FHL5: variants seen among roughly 807,000 people sequenced by gnomAD.
FHL5 encodes the protein four and a half LIM domains 5, also known as four and a half LIM domains protein 5.
FHL5 carries 33 observed loss-of-function variants against 32.0 expected under a neutral mutation model. That is an observed-to-expected ratio of 1.03 (90% CI 0.78 to 1.38). The LOEUF is 1.38. Among genes scored for constraint, FHL5 ranks in the 40% most tolerant of loss-of-function variants. The pLI, the probability that FHL5 is intolerant of heterozygous loss-of-function variation, is 0.00. For synonymous variants in FHL5, 114 were observed against 113.6 expected, an observed-to-expected ratio of 1.00 and a Z score of -0.02; for missense variants, 336 against 343.9, an observed-to-expected ratio of 0.98 and a Z score of 0.18.
intron 3 of FHL5, among the ~76,000 whole-genome samples, 185 bp downstream of exon 3, chr6:96,605,109 G>C (rs1350758027): frequency 6.6e-6 from 1 of 152,144 alleles, no homozygotes; most frequent in African/African-American, 2.4e-5. Context: ...CCTTGAACAG[G>C]TAAATTACAG....
At chr6:96,610,801 T>C (rs768922976) in intron 5 of FHL5, 43 bp downstream of exon 5, 2 of 1,379,048 alleles carry the variant, frequency 1.5e-6, no homozygotes, top group Admixed American at 1.9e-5. Flanking sequence ...GAGACAGTTA[T>C]GACTTTATGA....
At chr6:96,605,248 C>A (rs1177331954) in intron 3 of FHL5, among the ~76,000 whole-genome samples, 1 of 152,142 alleles carries the variant, frequency 6.6e-6, no homozygotes, top group Non-Finnish European at 1.5e-5. Flanking sequence ...CAATCAATGG[C>A]ATCAGAAAGA....
chr6:96,568,542 A>C (rs535854846), intron 1 of FHL5, among the ~76,000 whole-genome samples: 1 of 152,038 alleles, frequency 6.6e-6, no homozygotes, highest in South Asian at 2.1e-4. Context: ...AATTTGTATT[A>C]GTTCTTCTAT....
At chr6:96,563,727 G>T (rs540679517) in intron 1 of FHL5, among the ~76,000 whole-genome samples, 2 of 152,154 alleles carry the variant, frequency 1.3e-5, no homozygotes, top group Admixed American at 1.3e-4. Context: ...TAATTTATTT[G>T]AATGAATAAC....
At chr6:96,579,527 G>T in intron 1 of FHL5, among the ~76,000 whole-genome samples, 1 of 152,020 alleles carries the variant, frequency 6.6e-6, no homozygotes, top group East Asian at 1.9e-4. Context: ...TTGCTCTAAG[G>T]TACCATGTAT....
intron 1 of FHL5, among the ~76,000 whole-genome samples, chr6:96,586,417 T>C (rs1328028126): frequency 6.6e-6 from 1 of 152,216 alleles, no homozygotes; most frequent in Admixed American, 6.5e-5. Flanking sequence ...AGGATCTAGT[T>C]TGAGGCAACA....
At chr6:96,574,830 T>C (rs1443542132) in intron 1 of FHL5, among the ~76,000 whole-genome samples, 1 of 152,208 alleles carries the variant, frequency 6.6e-6, no homozygotes, top group Non-Finnish European at 1.5e-5. Flanking sequence ...GGTACTTCAC[T>C]TATAATATTC....
At chr6:96,590,322 T>G (rs1377903682) in intron 1 of FHL5, among the ~76,000 whole-genome samples, 1 of 152,026 alleles carries the variant, frequency 6.6e-6, no homozygotes, top group Non-Finnish European at 1.5e-5. Context: ...GTTTATTCTT[T>G]CAAAGTCTTA....
intron 5 of FHL5, 142 bp from the exon 6 acceptor site, chr6:96,615,467 A>C (rs904974977): frequency 1.8e-6 from 1 of 561,244 alleles, no homozygotes; most frequent in Non-Finnish European, 2.9e-6. Flanking sequence ...CAGGGCCAGG[A>C]AGCAGCATTC....
chr6:96,615,554 G>A lies in FHL5; in HGVS notation c.692-55G>A, dbSNP rs113881960. 9.7e-4 allele frequency: 1,408 copies of A among 1,449,966 alleles called. 3 individuals are homozygous for A. The highest frequency in any genetic ancestry group is 4.6e-3 in the African/African-American group (320 of 69,992). 89.8% of individuals were successfully genotyped at this position (1,449,966 alleles called of 1,614,324 possible). Reference sequence around the variant, plus strand: ...TTCCTAGAGGAGCATCTGCTAGAATGCTCAATCTGTTCCTTGAAAGGATAG... The same window carrying A: ...TTCCTAGAGGAGCATCTGCTAGAATACTCAATCTGTTCCTTGAAAGGATAG... On this transcript the variant is annotated intron_variant, in intron 5 of 5. Transcript: ENST00000450218.
chr6:96,590,278 G>A (rs893980817), intron 1 of FHL5, among the ~76,000 whole-genome samples: 22 of 151,872 alleles, frequency 1.4e-4, no homozygotes, highest in Admixed American at 1.3e-3. Flanking sequence ...TAAGAGCATG[G>A]TATTTTCCTT....
At chr6:96,592,315 T>C (rs1227939426) in intron 1 of FHL5, among the ~76,000 whole-genome samples, 1 of 152,156 alleles carries the variant, frequency 6.6e-6, no homozygotes, top group African/African-American at 2.4e-5. Context: ...AGAAAAAGAA[T>C]TCAGTGATAC....
rs765495558 is a variant in FHL5, at chr6:96,603,666, A to G, written c.53A>G (p.Lys18Arg). 1 of 1,612,788 alleles carries G rather than the reference A, an allele frequency of 6.2e-7. No individual in the cohort carries two copies. Among genetic ancestry groups the G allele is most frequent in the African/African-American group, 1.3e-5 (1 of 74,912 alleles). ...TACTGCACAGCATCACTTCTTGGGA[A>G]GAAATATGTACTAAAGGATGACAGT... Reference protein sequence around the residue: ...CQYCTASLLGKKYVLKDDSPY... With the variant: ...CQYCTASLLGRKYVLKDDSPY... The change falls in exon 2 of 6, where the codon AAG becomes AGG. Residue 18 changes from lysine to arginine, a missense_variant. By Grantham distance (26) the Lys-to-Arg change is conservative. Coordinates refer to ENST00000450218, the MANE Select transcript of FHL5 (RefSeq NM_001322466.2).
intron 4 of FHL5, among the ~76,000 whole-genome samples, chr6:96,608,930 C>G (rs781111440): frequency 1.6e-4 from 25 of 152,130 alleles, no homozygotes; most frequent in Non-Finnish European, 3.5e-4. Flanking sequence ...TTTCAAGTTT[C>G]AGATCTTTTA....
chr6:96,609,694 C>T (rs1771356181), intron 4 of FHL5, among the ~76,000 whole-genome samples: 3 of 152,142 alleles, frequency 2.0e-5, no homozygotes, highest in Admixed American at 2.0e-4. Context: ...TTTCCTTTGG[C>T]ATTTATTCAT....
chr6:96,581,398 T>C (rs1269617709), intron 1 of FHL5, among the ~76,000 whole-genome samples: 3 of 152,142 alleles, frequency 2.0e-5, no homozygotes, highest in African/African-American at 7.2e-5. Flanking sequence ...AAAGCCATTG[T>C]TTTTTCTTTC....
chr6:96,615,190 T>A (rs1416226642), intron 5 of FHL5, among the ~76,000 whole-genome samples: 5 of 152,206 alleles, frequency 3.3e-5, no homozygotes, highest in Non-Finnish European at 1.5e-5. Context: ...ATCTTCATTT[T>A]GCAGCTAAGA....
chr6:96,602,097 A>G (rs1443470401), intron 1 of FHL5, among the ~76,000 whole-genome samples: 1 of 152,186 alleles, frequency 6.6e-6, no homozygotes, highest in Non-Finnish European at 1.5e-5. Flanking sequence ...ATTAATAATC[A>G]TGTGCATTCA....
intron 4 of FHL5, among the ~76,000 whole-genome samples, chr6:96,607,406 T>TAC (rs3839357): frequency 0.17 from 25,938 of 149,000 alleles, 2,256 homozygotes; most frequent in Middle Eastern, 0.26. Context: ...CACATGCACA[T>TAC]ACACACACAC....
Sources: gnomAD v4.1 joint callset for allele counts (sites outside exome capture counted in the v4.1 genomes callset) on GRCh38, gnomAD v4.1.1 for gene constraint, MANE v1.5 for transcripts, NCBI Gene and HGNC (gene_info 2026-07-23, HGNC 2026-07-21) for gene names.